Variants in MAPKAPK3 observed in about 807,000 individuals in gnomAD.
MAPKAPK3 encodes MAPK activated protein kinase 3.
Under a neutral mutation model 49.2 loss-of-function variants are expected in MAPKAPK3, and 35 were observed. That is an observed-to-expected ratio of 0.71 (90% CI 0.54 to 0.94). The LOEUF (loss-of-function observed/expected upper bound fraction) is 0.94, where lower values mean the gene tolerates loss of function less well. Among genes scored for constraint, MAPKAPK3 ranks in the 40% least tolerant of loss-of-function variants. The pLI, the probability that MAPKAPK3 is intolerant of heterozygous loss-of-function variation, is 0.00. For synonymous variants in MAPKAPK3, 178 were observed against 188.7 expected (o/e 0.94, Z 0.46); for missense variants, 398 against 493.1 (o/e 0.81, Z 1.83).
At chr3:50,615,059 C>G (rs1017668177), upstream of MAPKAPK3, among the ~76,000 whole-genome samples, 1 of 152,222 alleles carries the variant, frequency 6.6e-6, no homozygotes, top group Non-Finnish European at 1.5e-5. Context: ...CAGTGGGATG[C>G]CTTTGGCTGG....
At chr3:50,645,661 C>A in intron 6 of MAPKAPK3, 49 bp from the exon 7 acceptor site, 1 of 1,522,108 alleles carries the variant, frequency 6.6e-7, no homozygotes, top group Non-Finnish European at 9.1e-7. Flanking sequence ...CCTGCCTGGG[C>A]TCCAAGACCC....
chr3:50,618,083 C>A (rs1260003289), intron 2 of MAPKAPK3, among the ~76,000 whole-genome samples: 1 of 152,184 alleles, frequency 6.6e-6, no homozygotes, highest in Non-Finnish European at 1.5e-5. Context: ...CTGGCTGGAC[C>A]CATGTGTTCA....
At chr3:50,615,070 G>A (rs550584401), upstream of MAPKAPK3, among the ~76,000 whole-genome samples, 3 of 152,278 alleles carry the variant, frequency 2.0e-5, no homozygotes, top group African/African-American at 7.2e-5. Flanking sequence ...CTTTGGCTGG[G>A]GCAAGGAGCC....
At chr3:50,633,557 C>T (rs1331193251) in intron 2 of MAPKAPK3, among the ~76,000 whole-genome samples, 1 of 152,202 alleles carries the variant, frequency 6.6e-6, no homozygotes, top group Non-Finnish European at 1.5e-5. Flanking sequence ...GCCAGTGCTG[C>T]TCCAACTTGG....
intron 2 of MAPKAPK3, among the ~76,000 whole-genome samples, chr3:50,639,311 C>T (rs2033116995): frequency 6.6e-6 from 1 of 152,194 alleles, no homozygotes; most frequent in South Asian, 2.1e-4. Flanking sequence ...CAGCTGTCAT[C>T]TCCCTCAACT....
rs760997594 is a variant in MAPKAPK3 at position 50,617,740 on chromosome 3, C to T, written c.175C>T (p.Leu59=). Residue 59 remains leucine, a synonymous_variant, in exon 2 of 11, where the codon CTG becomes TTG. Transcript: ENST00000621469. ...VLGLGVNGKV[L]ECFHRRTGQK... is the part of the protein sequence containing the mutation. ...GGGCCTGGGTGTGAACGGCAAAGTG[C>T]TGGAGTGCTTCCATCGGCGCACTGG... The T allele has an allele frequency of 6.2e-7, 1 of 1,613,644 alleles. No individual in the cohort carries two copies. Among genetic ancestry groups the T allele is most frequent in the Non-Finnish European group, 8.5e-7 (1 of 1,180,010 alleles).
In MAPKAPK3 at chr3:50,624,754, T is replaced by G. The variant is rs2032698737; in HGVS notation, c.219+6970T>G. Among the ~76,000 whole-genome samples, 4 of 152,140 alleles carry G rather than the reference T, an allele frequency of 2.6e-5. No homozygotes were observed. The South Asian group carries it at 8.3e-4, about 32-fold the overall frequency. Reference sequence around the variant, plus strand: ...GGCTCTGTAAGCCCGCAACCTCCCTTGGCTCCAGGCTGCCATGTCTAATGG... The same window carrying G: ...GGCTCTGTAAGCCCGCAACCTCCCTGGGCTCCAGGCTGCCATGTCTAATGG... On this transcript the variant is annotated intron_variant, in intron 2 of 10. Transcript: ENST00000621469.
upstream of MAPKAPK3, among the ~76,000 whole-genome samples, chr3:50,614,809 G>A (rs983710342): frequency 3.3e-5 from 5 of 152,184 alleles, no homozygotes; most frequent in African/African-American, 1.2e-4. Context: ...CCCATGTGGG[G>A]AATGCGTGTG....
Position 50,643,417 on chromosome 3 carries a change from T to C in MAPKAPK3, c.505-992T>C, listed in dbSNP as rs556930722. ...ACACACATGCATGTGCACACAAGCA[T>C]GTGTGAGCACTATCAGAGCAGAGTC... On this transcript the variant is annotated intron_variant, in intron 5 of 10. Transcript: ENST00000621469. 6.6e-5 allele frequency among the ~76,000 whole-genome samples: 10 copies of C among 152,288 alleles called. No individual in the cohort carries two copies. In the South Asian group the frequency reaches 2.1e-3, roughly 32 times the overall value.
At chr3:50,622,861 G>C (rs1193857447) in intron 2 of MAPKAPK3, among the ~76,000 whole-genome samples, 1 of 152,216 alleles carries the variant, frequency 6.6e-6, no homozygotes, top group Non-Finnish European at 1.5e-5. Context: ...GAGGGGCTCT[G>C]TATAACCAGA....
At chr3:50,645,824 C>G (rs1222360306) in intron 7 of MAPKAPK3, 39 bp downstream of exon 7, 7 of 1,591,070 alleles carry the variant, frequency 4.4e-6, no homozygotes, top group Admixed American at 3.3e-5. Flanking sequence ...ATCTCCTGCC[C>G]TTACCCCCAC....
rs762540943 is a variant in MAPKAPK3, at chr3:50,642,337, G to A, written c.504+5G>A. 1.1e-5 allele frequency: 17 copies of A among 1,611,016 alleles called. No homozygotes were observed. Among genetic ancestry groups the A allele is most frequent in the Non-Finnish European group, 1.4e-5 (17 of 1,179,196 alleles). ...ATTGCCCACCGAGATGTCAAGGTGA[G>A]GCTCCAGGATTCAGGTTGGGGGCCC... is the stretch of plus-strand genomic sequence containing the variant. On this transcript the variant is annotated splice_donor_5th_base_variant and intron_variant, in intron 5 of 10. Coordinates refer to ENST00000621469, the MANE Select transcript of MAPKAPK3 (RefSeq NM_001243925.2).
intron 10 of MAPKAPK3, 42 bp from the exon 11 acceptor site, chr3:50,647,847 TCAGTA>T (rs778510278): frequency 6.4e-7 from 1 of 1,568,172 alleles, no homozygotes; most frequent in East Asian, 2.2e-5. Flanking sequence ...GTTCCTAAGG[TCAGTA>T]CATCCTGACC....
intron 2 of MAPKAPK3, among the ~76,000 whole-genome samples, chr3:50,619,413 C>T (rs571806178): frequency 6.6e-6 from 1 of 152,308 alleles, no homozygotes; most frequent in South Asian, 2.1e-4. Context: ...TCTTTGCCCA[C>T]TAACCCAGCA....
chr3:50,633,830 A>G (rs537434667), intron 2 of MAPKAPK3, among the ~76,000 whole-genome samples: 1 of 152,328 alleles, frequency 6.6e-6, no homozygotes, highest in African/African-American at 2.4e-5. Flanking sequence ...TTGTTTTCCA[A>G]ACAGGCAAAT....
chr3:50,645,502 G>A (rs1003665857), intron 6 of MAPKAPK3, among the ~76,000 whole-genome samples: 8 of 152,212 alleles, frequency 5.3e-5, no homozygotes, highest in Non-Finnish European at 1.2e-4. Context: ...CTAGGGGTAT[G>A]TCTGAAAGTG....
In MAPKAPK3 at chr3:50,640,611, G is replaced by C; in HGVS notation, c.359+106G>C. The C allele has an allele frequency of 5.0e-6, 7 of 1,393,074 alleles. 1 individual carries two copies. The Admixed American group carries it at 1.1e-4, about 23-fold the overall frequency. 86.3% of individuals were successfully genotyped at this position (1,393,074 alleles called of 1,614,324 possible). On this transcript the variant is annotated intron_variant, in intron 3 of 10. Coordinates refer to ENST00000621469, the MANE Select transcript of MAPKAPK3 (RefSeq NM_001243925.2). ...CTTTGTTTTTCAGGTAGCAGATCTGGGTGCCACTGTAGCCCCTGAGGGGCA... is the reference window on the plus strand; with the variant it reads ...CTTTGTTTTTCAGGTAGCAGATCTGCGTGCCACTGTAGCCCCTGAGGGGCA...
chr3:50,616,753 C>CA (rs2032472931), upstream of MAPKAPK3, among the ~76,000 whole-genome samples: 1 of 152,090 alleles, frequency 6.6e-6, no homozygotes, highest in Non-Finnish European at 1.5e-5. Context: ...CAACACTAGG[C>CA]AAGTCGGAAG....
Position 50,646,735 on chromosome 3 carries a change from C to A in MAPKAPK3, c.830-5C>A, listed in dbSNP as rs200989891. ...TCTCTCCCCTCTCTTCCCTGGCCCC[C>A]CTAGCCAAGCAGCTGATCCGCCTCC... On this transcript the variant is annotated splice_polypyrimidine_tract_variant and splice_region_variant and intron_variant, in intron 8 of 10. Transcript: ENST00000621469. 7 of 1,613,884 alleles carry A rather than the reference C, an allele frequency of 4.3e-6. No individual in the cohort carries two copies. The highest frequency in any genetic ancestry group is 1.3e-5 in the African/African-American group (1 of 75,028).
Sources: allele counts gnomAD v4.1 joint callset (sites outside exome capture counted in the v4.1 genomes callset), GRCh38; gene constraint gnomAD v4.1.1; transcripts MANE v1.5; gene names NCBI Gene and HGNC (gene_info 2026-07-23, HGNC 2026-07-21).